Variants in RAD50 observed in about 807,000 individuals in gnomAD.
RAD50 encodes the protein RAD50 double strand break repair protein.
In RAD50, 132 loss-of-function variants were observed where a neutral mutation model predicts 168.8. The ratio of observed to expected loss-of-function variants is 0.78; its 90% CI spans 0.68 to 0.90. RAD50 has a LOEUF of 0.90. Ranked by LOEUF, RAD50 falls within the 40% of genes least tolerant of loss-of-function variation. The pLI, the probability that RAD50 is intolerant of heterozygous loss-of-function variation, is 0.00. For missense variants in RAD50, 1,347 were observed against 1,534.4 expected (o/e 0.88, Z 2.04); for synonymous variants, 525 against 497.4 (o/e 1.06, Z -0.74).
At chr5:132,565,030 A>T (rs886737442) in intron 2 of RAD50, among the ~76,000 whole-genome samples, 1 of 151,994 alleles carries the variant, frequency 6.6e-6, no homozygotes, top group African/African-American at 2.4e-5. Flanking sequence ...GGTTGGGGTG[A>T]TTGGATCATG....
At chr5:132,628,282 G>A (rs933578110) in intron 21 of RAD50, among the ~76,000 whole-genome samples, 1 of 152,132 alleles carries the variant, frequency 6.6e-6, no homozygotes, top group Non-Finnish European at 1.5e-5. Flanking sequence ...AGAGAGAGAA[G>A]GGAAAGGTCC....
In RAD50 at chr5:132,642,280, A is replaced by T; in HGVS notation, c.3855A>T (p.Lys1285Asn). ...TAGGACGTTCTGAATATGTGGAGAA[A>T]TTCTACAGGATTAAAAAGAACATCG... is the stretch of plus-strand genomic sequence containing the variant. ...ELLGRSEYVE[K>N]FYRIKKNIDQ... Residue 1285 changes from lysine to asparagine, a missense_variant, in exon 25 of 25, where the codon AAA becomes AAT. By Grantham distance (94) the Lys-to-Asn change is moderately conservative (BLOSUM62 0). Around this residue, in one of 3 missense-constraint regions of RAD50, gnomAD observed 635 missense variants for 739.2 expected, o/e 0.86. Coordinates refer to ENST00000378823, the MANE Select transcript of RAD50 (RefSeq NM_005732.4). 1 of 1,614,066 alleles carries T rather than the reference A, an allele frequency of 6.2e-7. No individual in the cohort carries two copies. The highest frequency in any genetic ancestry group is 8.5e-7 in the Non-Finnish European group (1 of 1,179,920).
chr5:132,608,226 A>G (rs1273227513), intron 16 of RAD50, among the ~76,000 whole-genome samples: 1 of 152,222 alleles, frequency 6.6e-6, no homozygotes, highest in African/African-American at 2.4e-5. Context: ...ACGGGCACCT[A>G]TAAAATCATG....
chr5:132,642,239 G>C lies in RAD50; in HGVS notation c.3814G>C (p.Asp1272His), dbSNP rs753091579. 1 of 1,614,156 alleles carries C rather than the reference G, an allele frequency of 6.2e-7. No homozygotes were observed. The highest frequency in any genetic ancestry group is 8.5e-7 in the Non-Finnish European group (1 of 1,180,010). ...GCTTCTGGTAATCACTCATGATGAA[G>C]ATTTTGTGGAGCTTTTAGGACGTTC... ...FQLLVITHDE[D>H]FVELLGRSEY... Residue 1272 changes from aspartate (D) to histidine (H), a missense_variant, in exon 25 of 25, where the codon GAT (aspartate) becomes CAT (histidine). Physicochemically the swap from Asp to His is moderately conservative, Grantham distance 81. Transcript: ENST00000378823.
At chr5:132,590,523 T>C (rs1750679822) in intron 9 of RAD50, among the ~76,000 whole-genome samples, 1 of 152,184 alleles carries the variant, frequency 6.6e-6, no homozygotes, top group African/African-American at 2.4e-5. Flanking sequence ...GTATTTTTCC[T>C]CTAGGTCACA....
At chr5:132,589,339 A>G (rs571265866) in intron 8 of RAD50, among the ~76,000 whole-genome samples, 1 of 152,182 alleles carries the variant, frequency 6.6e-6, no homozygotes, top group African/African-American at 2.4e-5. Context: ...ACAGTTGCCA[A>G]AGTATTCAGT....
intron 18 of RAD50, 30 bp from the exon 19 acceptor site, chr5:132,609,253 C>A: frequency 6.2e-7 from 1 of 1,607,504 alleles, no homozygotes; most frequent in South Asian, 1.1e-5. Context: ...TATTTTTATT[C>A]ATGTGCTTAA....
chr5:132,579,816 T>A (rs1363469375), intron 4 of RAD50, 46 bp from the exon 5 acceptor site: 2 of 1,470,334 alleles, frequency 1.4e-6, no homozygotes, highest in Admixed American at 1.7e-5. Context: ...ATATATACCA[T>A]AATTTACTTT....
chr5:132,636,949 G>A (rs888587814), intron 21 of RAD50, among the ~76,000 whole-genome samples, 166 bp from the exon 22 acceptor site: 1 of 151,814 alleles, frequency 6.6e-6, no homozygotes, highest in Non-Finnish European at 1.5e-5. Context: ...TTTTGCTGCT[G>A]TTTATTTTTG....
rs1751826672 is a variant in RAD50 at position 132,645,297 on chromosome 5, A to G, written c.*2933A>G. 6.6e-6 allele frequency: 1 copy of G among 152,114 alleles called. No homozygotes were observed. The highest frequency in any genetic ancestry group is 1.5e-5 in the Non-Finnish European group (1 of 68,032). The allele number at this position is 152,114 out of a possible 1,614,324, so 9.4% of individuals were successfully genotyped here. A position where few individuals can be genotyped will look rare whatever the true frequency, so the allele number is the denominator to read the frequency against. Reference sequence around the variant, plus strand: ...CTGTACTTCTCTCCTTATTCAACTTAAATTCCATGGCTCATCATTATGTCA... The same window carrying G: ...CTGTACTTCTCTCCTTATTCAACTTGAATTCCATGGCTCATCATTATGTCA... On this transcript the variant is annotated 3_prime_UTR_variant, in exon 25 of 25. Transcript: ENST00000378823.
chr5:132,641,061 GGAGA>G (rs1213393114), intron 24 of RAD50, among the ~76,000 whole-genome samples: 1 of 152,100 alleles, frequency 6.6e-6, no homozygotes, highest in Non-Finnish European at 1.5e-5. Flanking sequence ...GTGTTCACAG[GGAGA>G]GAGTCACTGT....
chr5:132,619,158 T>C (rs1277321954), intron 21 of RAD50, among the ~76,000 whole-genome samples: 1 of 152,238 alleles, frequency 6.6e-6, no homozygotes, highest in Non-Finnish European at 1.5e-5. Context: ...TGGGGTTTTT[T>C]TCCAGGTCTT....
chr5:132,627,166 C>T (rs1220815542), intron 21 of RAD50, among the ~76,000 whole-genome samples: 1 of 152,072 alleles, frequency 6.6e-6, no homozygotes, highest in African/African-American at 2.4e-5. Flanking sequence ...CGGGCATGAC[C>T]TTTTTTTATA....
intron 3 of RAD50, among the ~76,000 whole-genome samples, chr5:132,578,158 T>G (rs572607325): frequency 6.6e-6 from 1 of 152,184 alleles, no homozygotes; most frequent in Non-Finnish European, 1.5e-5. Context: ...CAACTTAGGT[T>G]CAACGTTTCC....
intron 5 of RAD50, among the ~76,000 whole-genome samples, chr5:132,581,444 C>T (rs1332977755): frequency 6.6e-6 from 1 of 152,112 alleles, no homozygotes; most frequent in African/African-American, 2.4e-5. Context: ...TTTGACTTTT[C>T]TTTTAAAAGT....
rs1221057897 is a variant in RAD50, at chr5:132,557,139, TC to T, written c.-181del. 1.5e-5 allele frequency: 12 copies of T among 821,642 alleles called. No homozygotes were observed. In the Admixed American group the frequency reaches 2.7e-4, roughly 18 times the overall value. 50.9% of individuals were successfully genotyped at this position (821,642 alleles called of 1,614,324 possible). On this transcript the variant is annotated 5_prime_UTR_variant, in exon 1 of 25. Transcript: ENST00000378823. ...AGCTGGTGTGGGAGGAAAGGCTCCA[TC>T]CCCCGCCCCCTCTCTCCCGCTGTTG...
chr5:132,601,658 G>A (rs17166065), intron 13 of RAD50, among the ~76,000 whole-genome samples: 10,459 of 152,146 alleles, frequency 0.069, 1,124 homozygotes, highest in African/African-American at 0.23. Flanking sequence ...AAAAAAAACT[G>A]TAGGTCTGAC....
intron 21 of RAD50, among the ~76,000 whole-genome samples, chr5:132,629,980 C>G (rs1205514064): frequency 6.6e-6 from 1 of 152,034 alleles, no homozygotes; most frequent in East Asian, 1.9e-4. Context: ...GTGTTCTACC[C>G]CATGCCCAAA....
chr5:132,565,439 C>T (rs1359955656), intron 2 of RAD50, among the ~76,000 whole-genome samples: 1 of 152,186 alleles, frequency 6.6e-6, no homozygotes. Flanking sequence ...CCCTGTATGC[C>T]AGTCTTCCTT....
Sources: gnomAD v4.1 joint callset for allele counts (sites outside exome capture counted in the v4.1 genomes callset) on GRCh38, gnomAD v4.1.1 for gene constraint, gnomAD v4.1.1 regional missense constraint, MANE v1.5 for transcripts, NCBI Gene and HGNC (gene_info 2026-07-23, HGNC 2026-07-21) for gene names.